The following KDM5B variants were observed in gnomAD, a reference collection of about 807,000 sequenced individuals.
KDM5B encodes lysine-specific demethylase 5B.
In KDM5B, 144 loss-of-function variants were observed where a neutral mutation model predicts 193.4. That is an observed-to-expected ratio of 0.74 (90% CI 0.65 to 0.86). The LOEUF is 0.86. KDM5B is among the 40% of genes least tolerant of loss of function. The pLI, the probability that KDM5B is intolerant of heterozygous loss-of-function variation, is 0.00. For synonymous variants in KDM5B, 668 were observed against 682.6 expected (o/e 0.98, Z 0.33); for missense variants, 1,833 against 1,886.9 (o/e 0.97, Z 0.53).
intron 5 of KDM5B, 81 bp from the exon 6 acceptor site, chr1:202,764,226 C>G (rs1656358932): frequency 4.3e-6 from 3 of 697,704 alleles, no homozygotes; most frequent in Non-Finnish European, 7.0e-6. Context: ...CTCAAGGTGA[C>G]TATATCCTAC....
chr1:202,798,557 T>A (rs1407320854), intron 1 of KDM5B, among the ~76,000 whole-genome samples: 1 of 152,028 alleles, frequency 6.6e-6, no homozygotes, highest in African/African-American at 2.4e-5. Context: ...TGAGACACCA[T>A]CTCTACAAAA....
chr1:202,805,591 A>C (rs1056132005), intron 1 of KDM5B, among the ~76,000 whole-genome samples: 1 of 152,232 alleles, frequency 6.6e-6, no homozygotes, highest in Non-Finnish European at 1.5e-5. Flanking sequence ...AAACTCGGTG[A>C]ACAAAAATCA....
At chr1:202,765,958 T>C (rs1177231702) in intron 5 of KDM5B, among the ~76,000 whole-genome samples, 2 of 152,224 alleles carry the variant, frequency 1.3e-5, no homozygotes, top group African/African-American at 4.8e-5. Context: ...CTCTTCTTCC[T>C]TTCCCAGGGA....
chr1:202,744,889 G>A (rs1655490719), intron 16 of KDM5B, among the ~76,000 whole-genome samples: 1 of 152,126 alleles, frequency 6.6e-6, no homozygotes, highest in Non-Finnish European at 1.5e-5. Context: ...CAAAGACATA[G>A]AATCAACCTA....
intron 11 of KDM5B, among the ~76,000 whole-genome samples, chr1:202,753,664 G>GTTTTTTTTTTTTTTTTTTTTTT (rs771281999): frequency 1.9e-5 from 2 of 105,826 alleles, no homozygotes. Flanking sequence ...TGTTGTTGTT[G>GTTTTTTTTTTTTTTTTTTTTTT]TTTTTTTTTT....
chr1:202,803,658 T>C (rs376521478), intron 1 of KDM5B, among the ~76,000 whole-genome samples: 66 of 152,180 alleles, frequency 4.3e-4, no homozygotes, highest in African/African-American at 1.5e-3. Flanking sequence ...ACCTCGTCTC[T>C]ACTAAAAATA....
chr1:202,784,411 T>C (rs1476089918), intron 1 of KDM5B, among the ~76,000 whole-genome samples: 2 of 152,202 alleles, frequency 1.3e-5, no homozygotes, highest in African/African-American at 4.8e-5. Flanking sequence ...ATATGTTCTA[T>C]GAAACCCAGT....
At chr1:202,731,152 C>A (rs1025919748) in intron 24 of KDM5B, 89 bp from the exon 25 acceptor site, 9 of 1,000,670 alleles carry the variant, frequency 9.0e-6, no homozygotes, top group African/African-American at 1.6e-5. Flanking sequence ...GAAGGACTGC[C>A]CCTAATACCA....
At chr1:202,793,458 G>C (rs1022962002) in intron 1 of KDM5B, among the ~76,000 whole-genome samples, 2 of 152,190 alleles carry the variant, frequency 1.3e-5, no homozygotes, top group African/African-American at 2.4e-5. Flanking sequence ...ATTTGGGCTA[G>C]ATTCCTTCCC....
chr1:202,762,689 T>C lies in KDM5B; in HGVS notation c.918+10A>G, dbSNP rs753655047. The stretch of plus-strand genomic sequence containing the variant: ...AGGAAAGAAAAAGGAGAAAGGGAGA[T>C]GTCACTCACAGCATTGGTGGCTTTT... On this transcript the variant is annotated intron_variant, in intron 7 of 26. Transcript: ENST00000367265. 18 of 1,398,750 alleles carry C rather than the reference T, an allele frequency of 1.3e-5. No homozygotes were observed. In the South Asian group the frequency reaches 1.8e-4, roughly 14 times the overall value. The allele number at this position is 1,398,750 out of a possible 1,614,324, so 86.6% of individuals were successfully genotyped here.
intron 14 of KDM5B, among the ~76,000 whole-genome samples, chr1:202,747,754 T>C (rs1455059678): frequency 6.6e-6 from 1 of 151,978 alleles, no homozygotes; most frequent in Admixed American, 6.6e-5. Flanking sequence ...AAAGTACAAT[T>C]TATAATAGTG....
At position 202,733,575 on chromosome 1, in the gene KDM5B, G is replaced by A; in HGVS notation, c.3735C>T (p.Arg1245=). Reference sequence around the variant, plus strand: ...ATCGAAGTGCATCTCCCTCAGGAAGGCGAACTCGGATACGCTGAAGGGAGG... The same window carrying A: ...ATCGAAGTGCATCTCCCTCAGGAAGACGAACTCGGATACGCTGAAGGGAGG... ...LLASLQRIRV[R]LPEGDALRYM... Residue 1245 remains arginine (R), a synonymous_variant, in exon 23 of 27, where the codon CGC becomes CGT. Coordinates refer to ENST00000367265, the MANE Select transcript of KDM5B (RefSeq NM_006618.5). 1.2e-6 allele frequency: 2 copies of A among 1,614,156 alleles called. No individual in the cohort carries two copies. The highest frequency in any genetic ancestry group is 1.7e-6 in the Non-Finnish European group (2 of 1,180,012).
At chr1:202,750,565 G>C (rs947110502) in intron 13 of KDM5B, 94 bp downstream of exon 13, 42 of 1,361,100 alleles carry the variant, frequency 3.1e-5, no homozygotes, top group Non-Finnish European at 3.9e-5. Flanking sequence ...ATGAGCTACC[G>C]CACCCAGCCC....
chr1:202,797,887 C>G (rs1290899329), intron 1 of KDM5B, among the ~76,000 whole-genome samples: 1 of 152,232 alleles, frequency 6.6e-6, no homozygotes, highest in Non-Finnish European at 1.5e-5. Flanking sequence ...ACATGTTAAT[C>G]TCACTAATCT....
At chr1:202,735,936 G>T (rs557476620) in intron 21 of KDM5B, among the ~76,000 whole-genome samples, 4 of 152,340 alleles carry the variant, frequency 2.6e-5, no homozygotes, top group African/African-American at 9.6e-5. Flanking sequence ...ATTCAGGTGG[G>T]CGAAGCACGG....
intron 14 of KDM5B, chr1:202,746,581 T>C (rs1033117799): frequency 1.1e-4 from 37 of 339,410 alleles, no homozygotes; most frequent in Non-Finnish European, 1.6e-4. Context: ...ATGAACACCA[T>C]AGGACTGTAA....
At chr1:202,778,312 C>T (rs1657047920) in intron 1 of KDM5B, among the ~76,000 whole-genome samples, 1 of 151,968 alleles carries the variant, frequency 6.6e-6, no homozygotes, top group Admixed American at 6.6e-5. Context: ...CACACACACA[C>T]ATATATGTAT....
chr1:202,781,965 A>C (rs1657215493), intron 1 of KDM5B, among the ~76,000 whole-genome samples: 1 of 151,650 alleles, frequency 6.6e-6, no homozygotes, highest in South Asian at 2.1e-4. Context: ...CTGTATATTA[A>C]AGTTTTACAA....
intron 14 of KDM5B, 62 bp downstream of exon 14, chr1:202,748,883 C>A: frequency 7.4e-7 from 1 of 1,346,306 alleles, no homozygotes; most frequent in East Asian, 2.3e-5. Context: ...TATTAAAGTG[C>A]GTAAAAATTT....
Sources: allele counts gnomAD v4.1 joint callset (sites outside exome capture counted in the v4.1 genomes callset), GRCh38; gene constraint gnomAD v4.1.1; transcripts MANE v1.5; gene names NCBI Gene and HGNC (gene_info 2026-07-23, HGNC 2026-07-21).